PALM2AKAP2: variants seen among roughly 807,000 people sequenced by gnomAD.
PALM2AKAP2 encodes PALM2 and AKAP2 fusion.
PALM2AKAP2 carries 37 observed loss-of-function variants against 71.5 expected under a neutral mutation model. The observed-to-expected ratio is 0.52, with a 90% CI of 0.40 to 0.68. The LOEUF (loss-of-function observed/expected upper bound fraction) is 0.68, where lower values mean the gene tolerates loss of function less well. PALM2AKAP2 is among the 30% of genes least tolerant of loss of function. The pLI is 0.00. For synonymous variants in PALM2AKAP2, 468 were observed against 478.8 expected (o/e 0.98, Z 0.29); for missense variants, 1,224 against 1,191.8 (o/e 1.03, Z -0.40).
rs116840274 is a variant in PALM2AKAP2, at chr9:109,844,228, A to G, written c.46-23263A>G. On this transcript the variant is annotated intron_variant, in intron 1 of 9. Coordinates refer to the PALM2AKAP2 transcript ENST00000302798. The stretch of plus-strand genomic sequence containing the variant: ...CTGGCACCACTTTACAGATAAGCGA[A>G]TGGAGACTTAGAAAGGTTAAGTAAT... Among the ~76,000 whole-genome samples, 550 of 152,304 alleles carry G rather than the reference A, an allele frequency of 3.6e-3. 1 individual carries two copies. Among genetic ancestry groups the G allele is most frequent in the African/African-American group, 0.013 (520 of 41,578 alleles).
At chr9:109,706,752 G>T (rs147293742) in intron 1 of PALM2AKAP2, among the ~76,000 whole-genome samples, 1 of 152,288 alleles carries the variant, frequency 6.6e-6, no homozygotes, top group African/African-American at 2.4e-5. Context: ...ATTTATACAT[G>T]CTACAACCTG....
chr9:110,042,699 G>C (rs1300342374), intron 7 of PALM2AKAP2, among the ~76,000 whole-genome samples: 3 of 152,016 alleles, frequency 2.0e-5, no homozygotes, highest in Admixed American at 1.3e-4. Context: ...CTATTTTTAT[G>C]GATTTTTATC....
intron 6 of PALM2AKAP2, among the ~76,000 whole-genome samples, chr9:110,000,666 C>T (rs1350897229): frequency 6.6e-6 from 1 of 152,222 alleles, no homozygotes; most frequent in East Asian, 1.9e-4. Context: ...ACATCCTCTC[C>T]AGCACCTGTT....
upstream of PALM2AKAP2, chr9:109,780,426 T>C: frequency 6.2e-7 from 1 of 1,612,094 alleles, no homozygotes; most frequent in Non-Finnish European, 8.5e-7. Flanking sequence ...ATCAGTTTCC[T>C]TGGGTGACTA....
At chr9:109,799,152 A>G (rs1827347281) in intron 1 of PALM2AKAP2, among the ~76,000 whole-genome samples, 1 of 152,226 alleles carries the variant, frequency 6.6e-6, no homozygotes, top group Non-Finnish European at 1.5e-5. Flanking sequence ...TCAAAGGAGG[A>G]GCATGGGCAA....
intron 1 of PALM2AKAP2, among the ~76,000 whole-genome samples, chr9:109,685,090 G>C (rs112553246): frequency 1.4e-3 from 220 of 152,230 alleles, no homozygotes; most frequent in African/African-American, 5.0e-3. Context: ...AATTCTAGAA[G>C]ATACAAAATT....
At chr9:110,145,576 C>G (rs1475163813) in intron 2 of PALM2AKAP2, among the ~76,000 whole-genome samples, 1 of 152,122 alleles carries the variant, frequency 6.6e-6, no homozygotes, top group East Asian at 1.9e-4. Flanking sequence ...AGTTAGTTGA[C>G]TGGTGATCAT....
chr9:109,818,100 C>T (rs1587932603), intron 1 of PALM2AKAP2, among the ~76,000 whole-genome samples: 2 of 152,074 alleles, frequency 1.3e-5, no homozygotes, highest in South Asian at 2.1e-4. Context: ...TGTTCAACCC[C>T]GCACATATTT....
chr9:109,843,140 C>CAAAAAAAAAAAAAAA (rs60510582), intron 1 of PALM2AKAP2, among the ~76,000 whole-genome samples: 2 of 62,842 alleles, frequency 3.2e-5, no homozygotes, highest in Admixed American at 2.2e-4. Flanking sequence ...AACTCGGTCT[C>CAAAAAAAAAAAAAAA]AAAAAAAAAA....
At chr9:109,734,238 G>A (rs1393332085) in intron 1 of PALM2AKAP2, among the ~76,000 whole-genome samples, 1 of 151,852 alleles carries the variant, frequency 6.6e-6, no homozygotes, top group Non-Finnish European at 1.5e-5. Flanking sequence ...TTAAGAATTT[G>A]TAGTCATTTT....
At chr9:109,989,484 T>C (rs1389042998) in intron 6 of PALM2AKAP2, among the ~76,000 whole-genome samples, 1 of 152,256 alleles carries the variant, frequency 6.6e-6, no homozygotes, top group Non-Finnish European at 1.5e-5. Flanking sequence ...TTTGGAATTG[T>C]GCCTTCAAAT....
chr9:109,679,825 A>G (rs1197562826), intron 1 of PALM2AKAP2, among the ~76,000 whole-genome samples: 1 of 152,200 alleles, frequency 6.6e-6, no homozygotes, highest in Non-Finnish European at 1.5e-5. Flanking sequence ...GGTCTTATGC[A>G]AGTATATGCT....
At chr9:109,847,088 C>T (rs1444506977) in intron 1 of PALM2AKAP2, among the ~76,000 whole-genome samples, 2 of 152,082 alleles carry the variant, frequency 1.3e-5, no homozygotes, top group Non-Finnish European at 2.9e-5. Flanking sequence ...ATATCCGCAT[C>T]AAATCCCTGG....
intron 1 of PALM2AKAP2, among the ~76,000 whole-genome samples, chr9:109,802,149 G>A (rs548415877): frequency 8.9e-4 from 135 of 152,278 alleles, no homozygotes; most frequent in Non-Finnish European, 1.3e-3. Context: ...AAAATGCATA[G>A]CAATAATCCT....
intron 6 of PALM2AKAP2, among the ~76,000 whole-genome samples, chr9:110,006,643 A>T (rs1370858784): frequency 1.3e-5 from 2 of 152,072 alleles, no homozygotes; most frequent in African/African-American, 4.8e-5. Context: ...GATTACAGGC[A>T]TGAGCTACCA....
chr9:109,676,929 T>C (rs1182048468), intron 1 of PALM2AKAP2, among the ~76,000 whole-genome samples: 2 of 152,176 alleles, frequency 1.3e-5, no homozygotes, highest in African/African-American at 4.8e-5. Context: ...TTGAGTGTTA[T>C]TTAGTCATTG....
At chr9:109,906,555 CA>C (rs1002711670) in intron 3 of PALM2AKAP2, among the ~76,000 whole-genome samples, 1 of 152,100 alleles carries the variant, frequency 6.6e-6, no homozygotes, top group African/African-American at 2.4e-5. Context: ...TGCAGCCACA[CA>C]AATGCAAAAA....
At chr9:109,886,974 G>A (rs1829979269) in intron 3 of PALM2AKAP2, among the ~76,000 whole-genome samples, 1 of 152,156 alleles carries the variant, frequency 6.6e-6, no homozygotes, top group Admixed American at 6.5e-5. Context: ...TGCTAACCTA[G>A]AGAGAGCCAA....
At chr9:110,003,258 C>A (rs1312190532) in intron 6 of PALM2AKAP2, among the ~76,000 whole-genome samples, 3 of 152,126 alleles carry the variant, frequency 2.0e-5, no homozygotes, top group Non-Finnish European at 4.4e-5. Context: ...TTTCAAAGAA[C>A]ATCTTTATTT....
Sources: gnomAD v4.1 joint callset for allele counts (sites outside exome capture counted in the v4.1 genomes callset) on GRCh38, gnomAD v4.1.1 for gene constraint, MANE v1.5 for transcripts, NCBI Gene and HGNC (gene_info 2026-07-23, HGNC 2026-07-21) for gene names.